Variants in STT3A observed in about 807,000 individuals in gnomAD.
The protein encoded by STT3A is STT3 oligosaccharyltransferase complex catalytic subunit A.
STT3A carries 34 observed loss-of-function variants against 89.2 expected under a neutral mutation model. The observed-to-expected ratio is 0.38, with a 90% CI of 0.29 to 0.51. STT3A has a LOEUF of 0.51. Among genes scored for constraint, STT3A ranks in the 20% least tolerant of loss-of-function variants. STT3A has a pLI of 0.89. For synonymous variants in STT3A, 282 were observed against 310.3 expected (o/e 0.91, Z 0.96); for missense variants, 555 against 889.5 (o/e 0.62, Z 4.78).
intron 9 of STT3A, among the ~76,000 whole-genome samples, chr11:125,608,890 CTTTCTTTTTT>C (rs1939917117): frequency 6.7e-6 from 1 of 148,296 alleles, no homozygotes; most frequent in African/African-American, 2.6e-5. Context: ...TCTCCTTTTT[CTTTCTTTTTT>C]TTTCTTTCCT....
chr11:125,604,325 T>G, intron 6 of STT3A, 78 bp downstream of exon 6: 1 of 1,425,858 alleles, frequency 7.0e-7, no homozygotes, highest in South Asian at 1.2e-5. Flanking sequence ...GTCTATGGTT[T>G]AGCAATAATA....
intron 11 of STT3A, 103 bp from the exon 12 acceptor site, chr11:125,612,489 G>T: frequency 7.5e-7 from 1 of 1,326,216 alleles, no homozygotes; most frequent in South Asian, 1.6e-5. Flanking sequence ...TGGAGGTCAT[G>T]TTTGATGAAA....
At chr11:125,604,358 AT>A in intron 6 of STT3A, 111 bp downstream of exon 6, 1 of 1,037,638 alleles carries the variant, frequency 9.6e-7, no homozygotes, top group Non-Finnish European at 1.4e-6. Context: ...GGGTGAGAAT[AT>A]TAGAAATGGG....
intron 1 of STT3A, chr11:125,593,869 T>C (rs1472304880): frequency 6.6e-6 from 1 of 152,082 alleles, no homozygotes; most frequent in Non-Finnish European, 1.5e-5. Context: ...TGTTGTTGTT[T>C]TGTTTTTCTC....
At chr11:125,611,776 C>T (rs1428086222) in intron 11 of STT3A, among the ~76,000 whole-genome samples, 4 of 150,516 alleles carry the variant, frequency 2.7e-5, no homozygotes, top group Admixed American at 2.7e-4. Context: ...TAATATGACC[C>T]TGGGTGTCTT....
chr11:125,595,245 C>T (rs1253292395), intron 1 of STT3A, among the ~76,000 whole-genome samples: 1 of 151,014 alleles, frequency 6.6e-6, no homozygotes, highest in Non-Finnish European at 1.5e-5. Flanking sequence ...GATCCTAGCT[C>T]ACTGCAGCCT....
At chr11:125,606,085 A>T in intron 7 of STT3A, 1 of 507,636 alleles carries the variant, frequency 2.0e-6, no homozygotes, top group South Asian at 3.3e-5. Flanking sequence ...CTTTTTTAAA[A>T]TTTATTTTAT....
Position 125,614,974 on chromosome 11 carries a change from TA to T in STT3A, c.1774+553del, listed in dbSNP as rs1379634263. 6.6e-6 allele frequency among the ~76,000 whole-genome samples: 1 copy of T among 152,130 alleles called. No homozygotes were observed. Among genetic ancestry groups the T allele is most frequent in the Admixed American group, 6.5e-5 (1 of 15,282 alleles). The stretch of plus-strand genomic sequence containing the variant: ...GTTAATGTAATGCCTGTTTACACTT[TA>T]AAAAGTTAAGCAGTTCACAGCCGGG... On this transcript the variant is annotated intron_variant, in intron 15 of 17. Coordinates refer to ENST00000392708, the MANE Select transcript of STT3A (RefSeq NM_152713.5). This position sits in a 1 kb window ranked among gnomAD's most constrained non-coding sequence, Gnocchi z 4.9.
rs1433793515 is a variant in STT3A at position 125,608,206 on chromosome 11, A to G, written c.878A>G (p.Gln293Arg). ...VDYLRSKLNP[Q>R]QFEVLFRSVI... The stretch of plus-strand genomic sequence containing the variant: ...TACCTGCGCAGCAAGTTGAATCCAC[A>G]ACAATTTGAAGTTCTTTTCCGGAGC... The change falls in exon 9 of 18, where the codon CAA (glutamine) becomes CGA (arginine). Residue 293 changes from glutamine to arginine, a missense_variant. Physicochemically the swap from Gln to Arg is conservative, Grantham distance 43. Transcript: ENST00000392708. 2 of 1,614,242 alleles carry G rather than the reference A, an allele frequency of 1.2e-6. No individual in the cohort carries two copies. Among genetic ancestry groups the G allele is most frequent in the Non-Finnish European group, 8.5e-7 (1 of 1,180,042 alleles).
intron 16 of STT3A, 87 bp downstream of exon 16, chr11:125,618,648 G>A (rs1940250144): frequency 7.4e-7 from 1 of 1,350,010 alleles, no homozygotes; most frequent in Admixed American, 2.3e-5. Context: ...GCACTAGTAA[G>A]TGCTTTGTGT....
At chr11:125,612,131 C>G (rs892500704) in intron 11 of STT3A, among the ~76,000 whole-genome samples, 1 of 152,026 alleles carries the variant, frequency 6.6e-6, no homozygotes, top group Non-Finnish European at 1.5e-5. Flanking sequence ...CCGCCTTGGC[C>G]TCCCAAAGTG....
chr11:125,598,646 C>T (rs1022531973), intron 3 of STT3A, among the ~76,000 whole-genome samples: 1 of 151,954 alleles, frequency 6.6e-6, no homozygotes, highest in Non-Finnish European at 1.5e-5. Flanking sequence ...TGACTGTCAC[C>T]CAAGCTGAAG....
At chr11:125,608,872 C>T (rs187182687) in intron 9 of STT3A, among the ~76,000 whole-genome samples, 3 of 151,776 alleles carry the variant, frequency 2.0e-5, no homozygotes, top group African/African-American at 7.3e-5. Context: ...TCTTACCTTG[C>T]GAATCTTTCT....
intron 2 of STT3A, among the ~76,000 whole-genome samples, chr11:125,596,781 G>C (rs78574330): frequency 6.6e-6 from 1 of 152,080 alleles, no homozygotes; most frequent in Non-Finnish European, 1.5e-5. Flanking sequence ...GACCATGTAA[G>C]TTGAGTTTGG....
At chr11:125,604,840 G>C (rs1241666167) in intron 6 of STT3A, among the ~76,000 whole-genome samples, 3 of 152,198 alleles carry the variant, frequency 2.0e-5, no homozygotes, top group African/African-American at 7.2e-5. Context: ...GGCTGAGCTT[G>C]GTGGCTCACG....
At position 125,620,853 on chromosome 11, in the gene STT3A, C is replaced by T. The variant is rs377554745; in HGVS notation, c.*43C>T. The T allele has an allele frequency of 5.1e-5, 67 of 1,306,526 alleles. No homozygotes were observed. Among genetic ancestry groups the T allele is most frequent in the Non-Finnish European group, 7.2e-5 (67 of 935,572 alleles). The allele number at this position is 1,306,526 out of a possible 1,614,324, so 80.9% of individuals were successfully genotyped here. A position where few individuals can be genotyped will look rare whatever the true frequency, so the allele number is the denominator to read the frequency against. On this transcript the variant is annotated 3_prime_UTR_variant, in exon 18 of 18. Coordinates refer to ENST00000392708, the MANE Select transcript of STT3A (RefSeq NM_152713.5). ...GATATGCTTCGCACTGAGCACATCA[C>T]ATTTAGGACGTTGAAGATTTTTTTT...
At chr11:125,606,569 C>G in intron 8 of STT3A, 104 bp downstream of exon 8, 1 of 1,293,402 alleles carries the variant, frequency 7.7e-7, no homozygotes, top group Non-Finnish European at 1.0e-6. Flanking sequence ...GACTTATTCA[C>G]AGCCTTTATA....
In STT3A at chr11:125,621,495, C is replaced by G. The variant is rs1337315990; in HGVS notation, c.*685C>G. On this transcript the variant is annotated 3_prime_UTR_variant, in exon 18 of 18. Coordinates refer to ENST00000392708, the MANE Select transcript of STT3A (RefSeq NM_152713.5). ...TATCAATGGAGAGGAAGAAACTCTT[C>G]CAGCATTACATATAGAGCTTGATGG... The G allele has an allele frequency of 3.9e-5, 6 of 152,194 alleles. No individual in the cohort carries two copies. Among genetic ancestry groups the G allele is most frequent in the Non-Finnish European group, 8.8e-5 (6 of 68,048 alleles). The allele number at this position is 152,194 out of a possible 1,614,324, so 9.4% of individuals were successfully genotyped here.
In STT3A at chr11:125,609,458, G is replaced by A; in HGVS notation, c.986G>A (p.Arg329His). 6.2e-7 allele frequency: 1 copy of A among 1,611,634 alleles called. No individual in the cohort carries two copies. Among genetic ancestry groups the A allele is most frequent in the Non-Finnish European group, 8.5e-7 (1 of 1,179,404 alleles). The change falls in exon 10 of 18, where the codon CGT becomes CAT. Residue 329 changes from arginine to histidine, a missense_variant. Coordinates refer to ENST00000392708, the MANE Select transcript of STT3A (RefSeq NM_152713.5). Reference protein sequence around the residue: ...LTGKISPWTGRFYSLLDPSYA... With the variant: ...LTGKISPWTGHFYSLLDPSYA... ...GGAAAAATATCTCCCTGGACGGGGC[G>A]TTTCTACTCGCTGCTGGATCCCTCT... is the stretch of plus-strand genomic sequence containing the variant.
Sources: gnomAD v4.1 joint callset for allele counts (sites outside exome capture counted in the v4.1 genomes callset) on GRCh38, gnomAD v4.1.1 for gene constraint, Gnocchi (gnomAD v3.1) non-coding constraint, MANE v1.5 for transcripts, NCBI Gene and HGNC (gene_info 2026-07-23, HGNC 2026-07-21) for gene names.